DIAPH2: variants seen among roughly 807,000 people sequenced by gnomAD.
DIAPH2 encodes the protein diaphanous related formin 2.
In DIAPH2, 35 loss-of-function variants were observed where a neutral mutation model predicts 92.7. That is an observed-to-expected ratio of 0.38 (90% CI 0.29 to 0.50). The LOEUF is 0.50. Ranked by LOEUF, DIAPH2 falls within the 20% of genes least tolerant of loss-of-function variation. The pLI is 0.94. For synonymous variants in DIAPH2, 301 were observed against 280.4 expected, an observed-to-expected ratio of 1.07 and a Z score of -0.73; for missense variants, 701 against 819.5, an observed-to-expected ratio of 0.86 and a Z score of 1.77.
At chrX:97,502,179 CT>C (rs778609736) in intron 26 of DIAPH2, among the ~76,000 whole-genome samples, 1 of 112,261 alleles carries the variant, frequency 8.9e-6, no homozygotes, top group Admixed American at 9.5e-5. Flanking sequence ...CATGAACTTG[CT>C]TTCTTCGCAG....
chrX:96,772,227 C>T (rs1163911873), intron 4 of DIAPH2, among the ~76,000 whole-genome samples: 1 of 112,002 alleles, frequency 8.9e-6, no homozygotes, highest in Non-Finnish European at 1.9e-5. Flanking sequence ...AAGAAAAAGG[C>T]CGCCTTAGAT....
At chrX:97,060,423 T>C (rs2066589341) in intron 17 of DIAPH2, among the ~76,000 whole-genome samples, 1 of 112,075 alleles carries the variant, frequency 8.9e-6, no homozygotes, top group Admixed American at 9.5e-5. Context: ...GATTTTTTTT[T>C]TTTAACATAA....
chrX:97,413,057 A>G (rs2069896271), intron 25 of DIAPH2, among the ~76,000 whole-genome samples: 1 of 112,158 alleles, frequency 8.9e-6, no homozygotes, highest in Non-Finnish European at 1.9e-5. Context: ...TCATTTTATG[A>G]GGCCAGCATC....
intron 26 of DIAPH2, among the ~76,000 whole-genome samples, chrX:97,555,915 C>T (rs1422545553): frequency 4.5e-5 from 5 of 111,930 alleles, no homozygotes; most frequent in Admixed American, 1.9e-4. Context: ...TAGCGCCAAT[C>T]GCAGTTACTC....
intron 22 of DIAPH2, among the ~76,000 whole-genome samples, chrX:97,240,324 C>T (rs1049591669): frequency 9.0e-6 from 1 of 111,163 alleles, no homozygotes; most frequent in Admixed American, 9.6e-5. Context: ...AAAAAAAGAC[C>T]AGCTGGGCGC....
At chrX:97,050,506 GTT>G (rs772902489) in intron 17 of DIAPH2, among the ~76,000 whole-genome samples, 1 of 84,701 alleles carries the variant, frequency 1.2e-5, no homozygotes. Flanking sequence ...ACGTTTTTTT[GTT>G]TTTTTTTTTT....
chrX:97,470,877 G>T (rs2070556903), intron 26 of DIAPH2, among the ~76,000 whole-genome samples: 1 of 110,863 alleles, frequency 9.0e-6, no homozygotes, highest in African/African-American at 3.3e-5. Flanking sequence ...TATTTATTGA[G>T]GAAGCCTCAT....
intron 26 of DIAPH2, among the ~76,000 whole-genome samples, chrX:97,497,330 G>T (rs1316862725): frequency 9.0e-6 from 1 of 110,814 alleles, no homozygotes; most frequent in Non-Finnish European, 1.9e-5. Flanking sequence ...TCCATCTCTG[G>T]CCTGTGTGTG....
chrX:96,774,813 G>A (rs1303457528), intron 4 of DIAPH2, among the ~76,000 whole-genome samples: 1 of 111,493 alleles, frequency 9.0e-6, no homozygotes, highest in Admixed American at 9.5e-5. Flanking sequence ...ATGCTTATGT[G>A]CTCTCAGAGG....
intron 25 of DIAPH2, among the ~76,000 whole-genome samples, chrX:97,411,519 A>G (rs1305517782): frequency 8.9e-6 from 1 of 112,014 alleles, no homozygotes; most frequent in Non-Finnish European, 1.9e-5. Flanking sequence ...ACCAGCTAAC[A>G]TCATAATGAC....
intron 23 of DIAPH2, among the ~76,000 whole-genome samples, chrX:97,328,848 CTAAAT>C (rs745369131): frequency 6.5e-4 from 72 of 111,086 alleles, no homozygotes; most frequent in African/African-American, 2.3e-3. Context: ...GTATTTTTAT[CTAAAT>C]TAATTTTCAC....
At chrX:97,512,087 C>G (rs1454598480) in intron 26 of DIAPH2, among the ~76,000 whole-genome samples, 2 of 112,885 alleles carry the variant, frequency 1.8e-5, no homozygotes, top group Non-Finnish European at 3.8e-5. Flanking sequence ...AGGAATGGTA[C>G]CAGTTCCTCC....
At chrX:96,794,237 G>A (rs781676303) in intron 4 of DIAPH2, among the ~76,000 whole-genome samples, 15 of 111,013 alleles carry the variant, frequency 1.4e-4, no homozygotes, top group Non-Finnish European at 7.5e-5. Flanking sequence ...CCTCCCCAAC[G>A]GCCCTAACTC....
chrX:97,587,499 T>G (rs1160789974), intron 26 of DIAPH2, among the ~76,000 whole-genome samples: 4 of 112,094 alleles, frequency 3.6e-5, no homozygotes, highest in Admixed American at 9.5e-5. Context: ...TCATTGCTTC[T>G]CAAGGGCATA....
intron 26 of DIAPH2, among the ~76,000 whole-genome samples, chrX:97,468,098 G>A (rs2070530136): frequency 8.9e-6 from 1 of 111,820 alleles, no homozygotes; most frequent in African/African-American, 3.2e-5. Flanking sequence ...ACAAACAGAA[G>A]TAAAATTTTT....
intron 3 of DIAPH2, among the ~76,000 whole-genome samples, chrX:96,754,225 C>T (rs1473270684): frequency 8.9e-6 from 1 of 111,978 alleles, no homozygotes; most frequent in African/African-American, 3.2e-5. Context: ...GAAGACTTCT[C>T]TGACCTTTCC....
chrX:96,758,114 G>A, intron 3 of DIAPH2, 40 bp from the exon 4 acceptor site: 1 of 1,097,260 alleles, frequency 9.1e-7, no homozygotes, highest in Non-Finnish European at 1.2e-6. Context: ...CTCTTAAGTG[G>A]AAATTTATCA....
chrX:97,143,349 A>C (rs1435547538), intron 22 of DIAPH2, among the ~76,000 whole-genome samples: 1 of 110,851 alleles, frequency 9.0e-6, no homozygotes, highest in Non-Finnish European at 1.9e-5. Context: ...TGTTGCTATT[A>C]ATACTTTTTG....
intron 22 of DIAPH2, among the ~76,000 whole-genome samples, chrX:97,210,205 G>T (rs999829740): frequency 1.5e-4 from 17 of 111,793 alleles, no homozygotes; most frequent in African/African-American, 5.5e-4. Flanking sequence ...GATATTATTT[G>T]ACCTCTTTTA....
Sources: gnomAD v4.1 joint callset for allele counts (sites outside exome capture counted in the v4.1 genomes callset) on GRCh38, gnomAD v4.1.1 for gene constraint, MANE v1.5 for transcripts, NCBI Gene and HGNC (gene_info 2026-07-23, HGNC 2026-07-21) for gene names.